The following PRKCE variants were observed in gnomAD, a reference collection of about 807,000 sequenced individuals.
PRKCE encodes protein kinase C epsilon.
A neutral mutation model predicts 85.4 loss-of-function variants in PRKCE; 16 were observed. The observed-to-expected ratio is 0.19, with a 90% CI of 0.13 to 0.28. PRKCE has a LOEUF of 0.28. Among genes scored for constraint, PRKCE ranks in the 10% least tolerant of loss-of-function variants. The probability of loss-of-function intolerance (pLI) is 1.00; values close to 1 mark genes in which losing one functional copy is unlikely to be tolerated. For synonymous variants in PRKCE, 388 were observed against 371.5 expected, an observed-to-expected ratio of 1.04 and a Z score of -0.51; for missense variants, 573 against 975.2, an observed-to-expected ratio of 0.59 and a Z score of 5.49.
At chr2:45,796,690 A>G (rs1216406690) in intron 1 of PRKCE, among the ~76,000 whole-genome samples, 7 of 152,206 alleles carry the variant, frequency 4.6e-5, no homozygotes, top group African/African-American at 1.4e-4. Flanking sequence ...GTGGTCAAAC[A>G]AGGGTGAGCC....
chr2:46,020,333 T>C (rs1706542721), intron 10 of PRKCE, among the ~76,000 whole-genome samples: 1 of 152,300 alleles, frequency 6.6e-6, no homozygotes, highest in South Asian at 2.1e-4. Context: ...CCAAGGAAGA[T>C]AACATTTGAA....
At chr2:45,764,961 C>T (rs1178205150) in intron 1 of PRKCE, among the ~76,000 whole-genome samples, 1 of 152,158 alleles carries the variant, frequency 6.6e-6, no homozygotes, top group Non-Finnish European at 1.5e-5. Flanking sequence ...CTCTCCTTGA[C>T]ATCAAGAGCA....
In PRKCE at chr2:45,880,258, A is replaced by G. The variant is rs539817221; in HGVS notation, c.412+37195A>G. ...TGTATGCACCACATTTTCTTTGTCC[A>G]TTAATCTGTTATCAGACACCTTGGT... On this transcript the variant is annotated intron_variant, in intron 2 of 14. Coordinates refer to ENST00000306156, the MANE Select transcript of PRKCE (RefSeq NM_005400.3). Among the ~76,000 whole-genome samples, 7 of 152,338 alleles carry G rather than the reference A, an allele frequency of 4.6e-5. No individual in the cohort carries two copies. In the South Asian group the frequency reaches 1.0e-3, roughly 23 times the overall value.
chr2:46,054,012 G>A (rs1347754234), intron 10 of PRKCE, among the ~76,000 whole-genome samples: 1 of 152,158 alleles, frequency 6.6e-6, no homozygotes, highest in East Asian at 1.9e-4. Flanking sequence ...TTTCAGAGTA[G>A]CCCTGTGCAT....
chr2:45,859,590 T>C (rs1573636974), intron 2 of PRKCE, among the ~76,000 whole-genome samples: 1 of 152,236 alleles, frequency 6.6e-6, no homozygotes, highest in African/African-American at 2.4e-5. Context: ...TTTTATGTGT[T>C]TTTGACCTTT....
Position 46,073,708 on chromosome 2 carries a change from A to G in PRKCE, c.1438-12500A>G, listed in dbSNP as rs924916463. The G allele has an allele frequency of 2.0e-5, 3 of 152,072 alleles. No homozygotes were observed. The East Asian group carries it at 5.8e-4, about 30-fold the overall frequency. 9.4% of individuals were successfully genotyped at this position (152,072 alleles called of 1,614,324 possible). A position where few individuals can be genotyped will look rare whatever the true frequency, so the allele number is the denominator to read the frequency against. ...TGTTCTGAGACTAATCAGGGACCCA[A>G]ACTGATGCAGACAGAAATCTCCGTG... On this transcript the variant is annotated intron_variant, in intron 10 of 14. Transcript: ENST00000306156.
At position 46,041,675 on chromosome 2, in the gene PRKCE, A is replaced by G. The variant is rs1177443828; in HGVS notation, c.1437+31158A>G. Among the ~76,000 whole-genome samples, 3 of 152,244 alleles carry G rather than the reference A, an allele frequency of 2.0e-5. No homozygotes were observed. Among genetic ancestry groups the G allele is most frequent in the Non-Finnish European group, 2.9e-5 (2 of 68,036 alleles). On this transcript the variant is annotated intron_variant, in intron 10 of 14. Coordinates refer to ENST00000306156, the MANE Select transcript of PRKCE (RefSeq NM_005400.3). This position sits in a 1 kb window ranked among gnomAD's most constrained non-coding sequence, Gnocchi z 5.5. The stretch of plus-strand genomic sequence containing the variant: ...TTTCCCTTAACTTGGAATGAACAAC[A>G]TAGTACTGAAGTGTTTCCTTGTGAA...
At chr2:45,923,710 G>A (rs1698418619) in intron 2 of PRKCE, among the ~76,000 whole-genome samples, 1 of 152,196 alleles carries the variant, frequency 6.6e-6, no homozygotes, top group East Asian at 1.9e-4. Context: ...GTATAGGAGG[G>A]CAGAGCAGGG....
chr2:45,701,790 C>T (rs1430713378), intron 1 of PRKCE, among the ~76,000 whole-genome samples: 2 of 152,208 alleles, frequency 1.3e-5, no homozygotes, highest in Non-Finnish European at 2.9e-5. Flanking sequence ...TCACCTATTA[C>T]ACAGGTGTTT....
intron 1 of PRKCE, among the ~76,000 whole-genome samples, chr2:45,714,631 A>G (rs570429147): frequency 6.6e-6 from 1 of 152,238 alleles, no homozygotes; most frequent in South Asian, 2.1e-4. Context: ...TGGCCTCGTG[A>G]AAGGTCCTCT....
At chr2:45,741,403 C>G (rs1878382) in intron 1 of PRKCE, among the ~76,000 whole-genome samples, 50,224 of 152,006 alleles carry the variant, frequency 0.33, 8,722 homozygotes, top group Admixed American at 0.41. Flanking sequence ...CAGTTGTAGG[C>G]AGTAAGACAG....
intron 2 of PRKCE, among the ~76,000 whole-genome samples, chr2:45,898,614 G>A (rs1303429667): frequency 2.6e-5 from 4 of 152,192 alleles, no homozygotes; most frequent in South Asian, 2.1e-4. Flanking sequence ...GCAATTGAAA[G>A]CACTATATAA....
In PRKCE at chr2:45,762,344, C is replaced by G. The variant is rs946901830; in HGVS notation, c.349-80656C>G. ...AACTGGTGACCAACTGAGTAATACT[C>G]AAATTTATGCCAAAATTCCTGCCTT... On this transcript the variant is annotated intron_variant, in intron 1 of 14. Transcript: ENST00000306156. 5.3e-4 allele frequency among the ~76,000 whole-genome samples: 80 copies of G among 152,296 alleles called. 1 individual carries two copies. Among genetic ancestry groups the G allele is most frequent in the African/African-American group, 1.9e-3 (78 of 41,566 alleles).
chr2:45,976,985 C>T (rs772664246), intron 3 of PRKCE, among the ~76,000 whole-genome samples: 1 of 151,864 alleles, frequency 6.6e-6, no homozygotes, highest in Non-Finnish European at 1.5e-5. Flanking sequence ...CAACCTCTGT[C>T]TCCCAGGTTC....
At chr2:45,928,753 C>T (rs1010869231) in intron 2 of PRKCE, among the ~76,000 whole-genome samples, 8 of 152,104 alleles carry the variant, frequency 5.3e-5, no homozygotes, top group Non-Finnish European at 1.2e-4. Context: ...CTTTTTCCTG[C>T]CCCCCACTAA....
At chr2:45,792,362 T>C (rs1304883487) in intron 1 of PRKCE, among the ~76,000 whole-genome samples, 1 of 152,112 alleles carries the variant, frequency 6.6e-6, no homozygotes, top group Non-Finnish European at 1.5e-5. Context: ...ACCACCACAC[T>C]TGGGATCACA....
At chr2:46,050,159 A>C (rs531747551) in intron 10 of PRKCE, among the ~76,000 whole-genome samples, 175 of 152,364 alleles carry the variant, frequency 1.1e-3, no homozygotes, top group African/African-American at 4.1e-3. Flanking sequence ...CTCTGAAGTC[A>C]TTTCCCTGAA....
chr2:46,050,506 C>G (rs1355565898), intron 10 of PRKCE, among the ~76,000 whole-genome samples: 1 of 152,192 alleles, frequency 6.6e-6, no homozygotes, highest in Non-Finnish European at 1.5e-5. Flanking sequence ...TCCTTTCCTG[C>G]CTTCCACACC....
At chr2:45,934,883 T>A (rs1699313167) in intron 2 of PRKCE, among the ~76,000 whole-genome samples, 1 of 122,994 alleles carries the variant, frequency 8.1e-6, no homozygotes, top group South Asian at 2.8e-4. Flanking sequence ...AGAGACCATG[T>A]CTCTACAAAA....
Sources: allele counts gnomAD v4.1 joint callset (sites outside exome capture counted in the v4.1 genomes callset), GRCh38; gene constraint gnomAD v4.1.1; non-coding constraint Gnocchi (gnomAD v3.1); transcripts MANE v1.5; gene names NCBI Gene and HGNC (gene_info 2026-07-23, HGNC 2026-07-21).